The following RBM12B variants were observed in gnomAD, a reference collection of about 807,000 sequenced individuals.
RBM12B encodes the protein RNA binding motif protein 12B.
Under a neutral mutation model 34.3 loss-of-function variants are expected in RBM12B, and 10 were observed. That is an observed-to-expected ratio of 0.29 (90% CI 0.18 to 0.49). The LOEUF is 0.49. RBM12B is among the 20% of genes least tolerant of loss of function. The pLI, the probability that RBM12B is intolerant of heterozygous loss-of-function variation, is 0.99. For synonymous variants in RBM12B, 477 were observed against 437.1 expected, an observed-to-expected ratio of 1.09 and a Z score of -1.14; for missense variants, 1,139 against 1,262.7, an observed-to-expected ratio of 0.90 and a Z score of 1.48.
rs1209945296 is a variant in RBM12B at position 93,734,711 on chromosome 8, A to G, written c.1700T>C (p.Phe567Ser). Residue 567 changes from phenylalanine (F) to serine (S), a missense_variant, in exon 4 of 4, where the codon TTC (phenylalanine) becomes TCC (serine). Phe to Ser is a radical substitution (Grantham distance 155). Coordinates refer to ENST00000520560, the MANE Select transcript of RBM12B (RefSeq NM_001377960.1). ...GGAGTGCCTGAAGTCCTCCGGGGGG[A>G]ACCTAAAGTCCTCTGAGGAGTGTCG... ...DFRHSSEDFR[F>S]PPEDFRHSPE... is the part of the protein sequence containing the mutation. 1.3e-5 allele frequency: 21 copies of G among 1,613,672 alleles called. No individual in the cohort carries two copies. Among genetic ancestry groups the G allele is most frequent in the South Asian group, 2.2e-5 (2 of 91,056 alleles).
rs1308493051 is a variant in RBM12B at position 93,732,755 on chromosome 8, TATACAA to T, written c.*644_*649del. The T allele has an allele frequency of 2.6e-5, 4 of 152,240 alleles. No homozygotes were observed. The highest frequency in any genetic ancestry group is 7.2e-5 in the African/African-American group (3 of 41,474). 9.4% of individuals were successfully genotyped at this position (152,240 alleles called of 1,614,324 possible). A position where few individuals can be genotyped will look rare whatever the true frequency, so the allele number is the denominator to read the frequency against. ...TCGAGCTGCAATTCTTTTTTCTTTT[TATACAA>T]ATACAAGTTAATTAGCTCTATTAAG... On this transcript the variant is annotated 3_prime_UTR_variant, in exon 4 of 4. Transcript: ENST00000520560.
In RBM12B at chr8:93,728,187, T is replaced by C. The variant is rs1423506517; in HGVS notation, c.*5218A>G. 7 of 1,466,068 alleles carry C rather than the reference T, an allele frequency of 4.8e-6. No homozygotes were observed. The highest frequency in any genetic ancestry group is 2.9e-5 in the South Asian group (2 of 68,486). The allele number at this position is 1,466,068 out of a possible 1,614,324, so 90.8% of individuals were successfully genotyped here. ...AAGTTAGTATTTTTATTTTAAAAAG[T>C]GTGTTAACTTTTAACAGGTATCCAC... is the stretch of plus-strand genomic sequence containing the variant. On this transcript the variant is annotated 3_prime_UTR_variant, in exon 4 of 4. Transcript: ENST00000520560.
rs1338057841 is a variant in RBM12B at position 93,731,366 on chromosome 8, T to C, written c.*2039A>G. 1 of 152,222 alleles carries C rather than the reference T, an allele frequency of 6.6e-6. No homozygotes were observed. Among genetic ancestry groups the C allele is most frequent in the African/African-American group, 2.4e-5 (1 of 41,458 alleles). 9.4% of individuals were successfully genotyped at this position (152,222 alleles called of 1,614,324 possible). A position where few individuals can be genotyped will look rare whatever the true frequency, so the allele number is the denominator to read the frequency against. On this transcript the variant is annotated 3_prime_UTR_variant, in exon 4 of 4. Transcript: ENST00000520560. ...AAAATGGGTGACCAAATGAACCATC[T>C]ATACAATCTTTGCTCAATTAAAAAT...
At position 93,734,886 on chromosome 8, in the gene RBM12B, G is replaced by GTTC. The variant is rs1811962990; in HGVS notation, c.1524_1525insGAA (p.Ser508_His509insGlu). On this transcript the variant is annotated inframe_insertion, in exon 4 of 4. Coordinates refer to ENST00000520560, the MANE Select transcript of RBM12B (RefSeq NM_001377960.1). Reference sequence around the variant, plus strand: ...GGTGGGTCTTTTGAGTCAAATAAATGGGAATGGTCACCTCGCTCACGTGAC... The same window carrying GTTC: ...GGTGGGTCTTTTGAGTCAAATAAATGTTCGGAATGGTCACCTCGCTCACGTGAC... 6.2e-7 allele frequency: 1 copy of GTTC among 1,613,958 alleles called. No homozygotes were observed. The highest frequency in any genetic ancestry group is 8.5e-7 in the Non-Finnish European group (1 of 1,180,012).
At chr8:93,740,456 G>T in intron 2 of RBM12B, 173 bp downstream of exon 2, 1 of 457,316 alleles carries the variant, frequency 2.2e-6, no homozygotes, top group Non-Finnish European at 4.4e-6. Flanking sequence ...CCCAACCTCC[G>T]TGCCTTTCCG....
Position 93,731,870 on chromosome 8 carries a change from AAG to A in RBM12B, c.*1533_*1534del, listed in dbSNP as rs1411335718. On this transcript the variant is annotated 3_prime_UTR_variant, in exon 4 of 4. Coordinates refer to ENST00000520560, the MANE Select transcript of RBM12B (RefSeq NM_001377960.1). ...TATCCCAAGAGAAACCCTGGATAGA[AAG>A]AAACTTTTAAAGTCACTCTTTTTTT... 1 of 152,618 alleles carries A rather than the reference AAG, an allele frequency of 6.6e-6. No individual in the cohort carries two copies. The highest frequency in any genetic ancestry group is 6.6e-5 in the Admixed American group (1 of 15,262). 9.5% of individuals were successfully genotyped at this position (152,618 alleles called of 1,614,324 possible).
At position 93,735,962 on chromosome 8, in the gene RBM12B, A is replaced by G. The variant is rs754405040; in HGVS notation, c.449T>C (p.Leu150Ser). The G allele has an allele frequency of 6.2e-6, 10 of 1,614,244 alleles. No homozygotes were observed. The highest frequency in any genetic ancestry group is 8.5e-6 in the Non-Finnish European group (10 of 1,180,050). ...GNLRPRKTRPLKAENPYLFLR... is the reference protein window; with the variant it reads ...GNLRPRKTRPSKAENPYLFLR... ...AAACAAGTAAGGATTCTCGGCCTTC[A>G]ATGGCCTTGTCTTTCTTGGCCTTAA... The change falls in exon 4 of 4, where the codon TTG becomes TCG. Residue 150 changes from leucine (L) to serine (S), a missense_variant. Physicochemically the swap from Leu to Ser is moderately radical, Grantham distance 145. Coordinates refer to ENST00000520560, the MANE Select transcript of RBM12B (RefSeq NM_001377960.1).
rs550924651 is a variant in RBM12B at position 93,730,795 on chromosome 8, G to C, written c.*2610C>G. The C allele has an allele frequency of 9.2e-5, 14 of 152,222 alleles. No individual in the cohort carries two copies. Among genetic ancestry groups the C allele is most frequent in the African/African-American group, 3.4e-4 (14 of 41,534 alleles). The allele number at this position is 152,222 out of a possible 1,614,324, so 9.4% of individuals were successfully genotyped here. On this transcript the variant is annotated 3_prime_UTR_variant, in exon 4 of 4. Coordinates refer to ENST00000520560, the MANE Select transcript of RBM12B (RefSeq NM_001377960.1). ...CTTTCTGTAATCAACTTTTTATAAT[G>C]AAGTTTAAAAATATTAAGCCCTGAT...
Position 93,733,548 on chromosome 8 carries a change from CTG to C in RBM12B, c.2861_2862del (p.Ser954CysfsTer6). ...CCTTGCTCATTATACTGTATCGAAA[CTG>C]AATCAGGTATGATTCTGTAACCATG... ...FFHGYRIIPD[S>X]VSIQYNEQGL... On this transcript the variant is annotated frameshift_variant, in exon 4 of 4. Coordinates refer to ENST00000520560, the MANE Select transcript of RBM12B (RefSeq NM_001377960.1). LOFTEE classifies it high-confidence loss of function. The C allele has an allele frequency of 6.2e-7, 1 of 1,613,600 alleles. No homozygotes were observed. Among genetic ancestry groups the C allele is most frequent in the Non-Finnish European group, 8.5e-7 (1 of 1,179,652 alleles).
rs1003738831 is a variant in RBM12B at position 93,731,393 on chromosome 8, T to C, written c.*2012A>G. 1.3e-5 allele frequency: 2 copies of C among 152,216 alleles called. No individual in the cohort carries two copies. Among genetic ancestry groups the C allele is most frequent in the African/African-American group, 4.8e-5 (2 of 41,458 alleles). 9.4% of individuals were successfully genotyped at this position (152,216 alleles called of 1,614,324 possible). On this transcript the variant is annotated 3_prime_UTR_variant, in exon 4 of 4. Transcript: ENST00000520560. Reference sequence around the variant, plus strand: ...TACAATCTTTGCTCAATTAAAAATATCATTTCTACTTTCTTCATTGTGCTT... The same window carrying C: ...TACAATCTTTGCTCAATTAAAAATACCATTTCTACTTTCTTCATTGTGCTT...
intron 2 of RBM12B, among the ~76,000 whole-genome samples, chr8:93,738,355 A>G (rs1273229249): frequency 6.6e-6 from 1 of 152,258 alleles, no homozygotes; most frequent in Non-Finnish European, 1.5e-5. Flanking sequence ...CCGTTTACTG[A>G]AAAATCTCAA....
In RBM12B at chr8:93,733,319, TA is replaced by T. The variant is rs538204600; in HGVS notation, c.*85del. ...AAATAAAATATTTCATTAGATAATT[TA>T]AAAAAAAAACACTTTTTTAAAACAA... On this transcript the variant is annotated 3_prime_UTR_variant, in exon 4 of 4. Coordinates refer to ENST00000520560, the MANE Select transcript of RBM12B (RefSeq NM_001377960.1). 1.7e-3 allele frequency: 1,676 copies of T among 974,898 alleles called. 2 individuals carry two copies. Among genetic ancestry groups the T allele is most frequent in the East Asian group, 3.9e-3 (127 of 32,378 alleles). The allele number at this position is 974,898 out of a possible 1,614,324, so 60.4% of individuals were successfully genotyped here.
In RBM12B at chr8:93,734,174, T is replaced by C. The variant is rs1397850650; in HGVS notation, c.2237A>G (p.His746Arg). The C allele has an allele frequency of 6.4e-7, 1 of 1,573,670 alleles. No individual in the cohort carries two copies. Among genetic ancestry groups the C allele is most frequent in the Middle Eastern group, 1.9e-4 (1 of 5,308 alleles). The change falls in exon 4 of 4, where the codon CAT becomes CGT. Residue 746 changes from histidine (H) to arginine (R), a missense_variant. By Grantham distance (29) the His-to-Arg change is conservative (BLOSUM62 0). Transcript: ENST00000520560. ...GTGCTCTGGGGGAGGCCGCCTAAAA[T>C]GCTCTGGAGGTGGTCTCCGGAAATG... ...PEHFRRPPPE[H>R]FRRPPPEHFR... is the part of the protein sequence containing the mutation.
At chr8:93,739,708 ATT>A (rs1457655055) in intron 2 of RBM12B, among the ~76,000 whole-genome samples, 1 of 152,224 alleles carries the variant, frequency 6.6e-6, no homozygotes, top group Non-Finnish European at 1.5e-5. Flanking sequence ...TGCAAAAAGT[ATT>A]TTTGTGCCTT....
rs1197371330 is a variant in RBM12B, at chr8:93,737,347, G to A, written c.-69C>T. 1 of 152,078 alleles carries A rather than the reference G, an allele frequency of 6.6e-6. No homozygotes were observed. Among genetic ancestry groups the A allele is most frequent in the Non-Finnish European group, 1.5e-5 (1 of 68,004 alleles). The allele number at this position is 152,078 out of a possible 1,614,324, so 9.4% of individuals were successfully genotyped here. ...TTGGAGACCTGTTAACTCTGTAAAAGCAACTTAACTGTGGAAAGAAAATGA... is the reference window on the plus strand; with the variant it reads ...TTGGAGACCTGTTAACTCTGTAAAAACAACTTAACTGTGGAAAGAAAATGA... On this transcript the variant is annotated 5_prime_UTR_variant, in exon 3 of 4. Coordinates refer to ENST00000520560, the MANE Select transcript of RBM12B (RefSeq NM_001377960.1).
rs1053606268 is a variant in RBM12B at position 93,729,760 on chromosome 8, C to T, written c.*3645G>A. 3 of 152,066 alleles carry T rather than the reference C, an allele frequency of 2.0e-5. No homozygotes were observed. The highest frequency in any genetic ancestry group is 6.6e-5 in the Admixed American group (1 of 15,260). The allele number at this position is 152,066 out of a possible 1,614,324, so 9.4% of individuals were successfully genotyped here. ...ACTATTATACAGGTAACTATGTAAC[C>T]ATGTAAGACTTAAGTACACTTAAAA... On this transcript the variant is annotated 3_prime_UTR_variant, in exon 4 of 4. Transcript: ENST00000520560.
rs778594099 is a variant in RBM12B at position 93,728,155 on chromosome 8, T to A, written c.*5250A>T. The A allele has an allele frequency of 1.8e-4, 218 of 1,204,422 alleles. 3 individuals carry two copies. In the Middle Eastern group the frequency reaches 5.1e-3, roughly 28 times the overall value. 74.6% of individuals were successfully genotyped at this position (1,204,422 alleles called of 1,614,324 possible). ...ATAAAAATATACCAAGAATGTAAAATTTTTTTAAGTTAGTATTTTTATTTT... is the reference window on the plus strand; with the variant it reads ...ATAAAAATATACCAAGAATGTAAAAATTTTTTAAGTTAGTATTTTTATTTT... On this transcript the variant is annotated 3_prime_UTR_variant, in exon 4 of 4. Coordinates refer to ENST00000520560, the MANE Select transcript of RBM12B (RefSeq NM_001377960.1).
rs193214388 is a variant in RBM12B at position 93,740,609 on chromosome 8, T to C, written c.-78+20A>G. 3.5e-5 allele frequency: 15 copies of C among 426,686 alleles called. No homozygotes were observed. Among genetic ancestry groups the C allele is most frequent in the East Asian group, 2.1e-4 (3 of 14,116 alleles). The allele number at this position is 426,686 out of a possible 1,614,324, so 26.4% of individuals were successfully genotyped here. On this transcript the variant is annotated intron_variant, in intron 2 of 3. Coordinates refer to ENST00000520560, the MANE Select transcript of RBM12B (RefSeq NM_001377960.1). ...TCTGCCACCACTGACTACGATGACATAGCAAAGAAAAAAATATACCTATGA... is the reference window on the plus strand; with the variant it reads ...TCTGCCACCACTGACTACGATGACACAGCAAAGAAAAAAATATACCTATGA...
In RBM12B at chr8:93,733,116, G is replaced by A. The variant is rs1363039018; in HGVS notation, c.*289C>T. Reference sequence around the variant, plus strand: ...CAACTCTACTTCAATAAGTCTTGAAGATTACCGATGACATCAACAAAAATG... The same window carrying A: ...CAACTCTACTTCAATAAGTCTTGAAAATTACCGATGACATCAACAAAAATG... On this transcript the variant is annotated 3_prime_UTR_variant, in exon 4 of 4. Transcript: ENST00000520560. 4.8e-6 allele frequency: 1 copy of A among 207,048 alleles called. No homozygotes were observed. The highest frequency in any genetic ancestry group is 5.7e-5 in the Admixed American group (1 of 17,640). The allele number at this position is 207,048 out of a possible 1,614,324, so 12.8% of individuals were successfully genotyped here. A position where few individuals can be genotyped will look rare whatever the true frequency, so the allele number is the denominator to read the frequency against.
Sources: allele counts gnomAD v4.1 joint callset (sites outside exome capture counted in the v4.1 genomes callset), GRCh38; gene constraint gnomAD v4.1.1; transcripts MANE v1.5; gene names NCBI Gene and HGNC (gene_info 2026-07-23, HGNC 2026-07-21).